SLC4A1AP: variants seen among roughly 807,000 people sequenced by gnomAD.
SLC4A1AP encodes solute carrier family 4 member 1 adaptor protein, also known as kanadaptin.
A neutral mutation model predicts 89.7 loss-of-function variants in SLC4A1AP; 64 were observed. The observed-to-expected ratio is 0.71, with a 90% CI of 0.58 to 0.88. The LOEUF (loss-of-function observed/expected upper bound fraction) is 0.88, where lower values mean the gene tolerates loss of function less well. SLC4A1AP is among the 40% of genes least tolerant of loss of function. The pLI is 0.00. For missense variants in SLC4A1AP, 931 were observed against 965.0 expected, an observed-to-expected ratio of 0.96 and a Z score of 0.47; for synonymous variants, 366 against 353.3, an observed-to-expected ratio of 1.04 and a Z score of -0.40.
At chr2:27,684,052 G>A (rs577892795) in intron 9 of SLC4A1AP, among the ~76,000 whole-genome samples, 2 of 152,126 alleles carry the variant, frequency 1.3e-5, no homozygotes, top group African/African-American at 2.4e-5. Context: ...AATCTGTTGC[G>A]GTGGGGACTT....
chr2:27,670,922 CT>C (rs34481114), intron 5 of SLC4A1AP, among the ~76,000 whole-genome samples: 3,137 of 111,828 alleles, frequency 0.028, 50 homozygotes, highest in African/African-American at 0.1. Flanking sequence ...CTTTTCTTTT[CT>C]TTTTTTTTTT....
At chr2:27,665,267 T>C in exon 2 of SLC4A1AP, 1 of 1,611,324 alleles carries the variant, frequency 6.2e-7, no homozygotes, top group South Asian at 1.1e-5. Flanking sequence ...GTAGCCAAGA[T>C]GATGAGATGG....
At chr2:27,667,390 G>C (rs770477473) in exon 3 of SLC4A1AP, 2 of 1,611,826 alleles carry the variant, frequency 1.2e-6, no homozygotes, top group South Asian at 2.2e-5. Context: ...TGACCGAGAA[G>C]GTATGTAAAC....
intron 8 of SLC4A1AP, 27 bp from the exon 9 acceptor site, chr2:27,682,221 A>T (rs759280264): frequency 1.1e-5 from 16 of 1,466,366 alleles, no homozygotes; most frequent in East Asian, 2.3e-5. Context: ...CCTGGAATAG[A>T]TGTGTATAAT....
intron 8 of SLC4A1AP, among the ~76,000 whole-genome samples, chr2:27,680,079 C>CA (rs1365935537): frequency 6.6e-6 from 1 of 152,076 alleles, no homozygotes; most frequent in Non-Finnish European, 1.5e-5. Flanking sequence ...GAGGGGCTCA[C>CA]AGCAATTCTG....
intron 11 of SLC4A1AP, 105 bp downstream of exon 11, chr2:27,688,125 CTT>C: frequency 1.2e-6 from 1 of 857,092 alleles, no homozygotes; most frequent in Non-Finnish European, 1.9e-6. Context: ...GAGAATGGTC[CTT>C]TAGTTATGTT....
chr2:27,666,869 ATATTT>A (rs1558505020), intron 2 of SLC4A1AP, among the ~76,000 whole-genome samples: 1 of 71,888 alleles, frequency 1.4e-5, no homozygotes. Context: ...ATATATATAT[ATATTT>A]TTTTTTTTTT....
At position 27,677,811 on chromosome 2, in the gene SLC4A1AP, TG is replaced by T; in HGVS notation, c.1652del (p.Gly551ValfsTer9). On this transcript the variant is annotated frameshift_variant, in exon 8 of 14. Transcript: ENST00000613058. LOFTEE classifies it high-confidence loss of function. ...AAATGAAATCAGGCAGTACATTAGATGGTGTGTCCCGGAAGAAACTTCACCT... is the reference window on the plus strand; with the variant it reads ...AAATGAAATCAGGCAGTACATTAGATGTGTGTCCCGGAAGAAACTTCACCT... The T allele has an allele frequency of 6.2e-7, 1 of 1,613,878 alleles. No individual in the cohort carries two copies. The highest frequency in any genetic ancestry group is 8.5e-7 in the Non-Finnish European group (1 of 1,179,852).
chr2:27,690,946 T>C (rs1675778188), intron 12 of SLC4A1AP, among the ~76,000 whole-genome samples: 1 of 152,166 alleles, frequency 6.6e-6, no homozygotes, highest in South Asian at 2.1e-4. Context: ...TACTAGTCTT[T>C]CATTGAGGAT....
chr2:27,673,082 C>T (rs1197224775), intron 5 of SLC4A1AP, among the ~76,000 whole-genome samples: 1 of 152,128 alleles, frequency 6.6e-6, no homozygotes. Flanking sequence ...GATGAGTAGG[C>T]AGGGAGGAAG....
At chr2:27,685,846 A>G (rs1675697525) in intron 10 of SLC4A1AP, among the ~76,000 whole-genome samples, 1 of 152,204 alleles carries the variant, frequency 6.6e-6, no homozygotes, top group African/African-American at 2.4e-5. Flanking sequence ...ATATAGATAT[A>G]TGCATCAATT....
intron 12 of SLC4A1AP, chr2:27,692,616 T>C (rs1338833900): frequency 6.6e-6 from 1 of 152,212 alleles, no homozygotes; most frequent in Non-Finnish European, 1.5e-5. Flanking sequence ...TGTGTTGCTG[T>C]CTTTCTCTTT....
chr2:27,682,521 A>AT (rs1558508946), intron 9 of SLC4A1AP, among the ~76,000 whole-genome samples, 162 bp downstream of exon 9: 1 of 139,110 alleles, frequency 7.2e-6, no homozygotes. Flanking sequence ...TGGTTCTTGG[A>AT]TTCTTTTTTT....
At chr2:27,682,248 G>A in exon 9 of SLC4A1AP, 2 of 1,602,748 alleles carry the variant, frequency 1.2e-6, no homozygotes, top group South Asian at 2.2e-5. Flanking sequence ...TTCTTCCTAG[G>A]ACTGAAACTC....
intron 5 of SLC4A1AP, among the ~76,000 whole-genome samples, chr2:27,670,715 G>A (rs570196831): frequency 6.6e-6 from 1 of 151,614 alleles, no homozygotes; most frequent in African/African-American, 2.4e-5. Flanking sequence ...AAAAAAATCA[G>A]TTGGGTGTGG....
intron 12 of SLC4A1AP, chr2:27,692,992 A>G (rs1675812180): frequency 6.6e-6 from 1 of 152,134 alleles, no homozygotes; most frequent in Non-Finnish European, 1.5e-5. Flanking sequence ...GCTGGAGTGC[A>G]GTGGTGTGAT....
At chr2:27,668,719 G>C in intron 3 of SLC4A1AP, 124 bp from the exon 4 acceptor site, 1 of 894,456 alleles carries the variant, frequency 1.1e-6, no homozygotes, top group Non-Finnish European at 1.8e-6. Context: ...CAAAGTGTTA[G>C]GATTACAGGC....
rs752876445 is a variant in SLC4A1AP, at chr2:27,693,769, CT to C, written c.2341+23del. On this transcript the variant is annotated intron_variant, in intron 13 of 13. Transcript: ENST00000613058. ...CCCACCTGAAGGTAGATTGTTTTTA[CT>C]TTTTTTTCCTCTAAGGTTCATTTAT... 58 of 1,587,936 alleles carry C rather than the reference CT, an allele frequency of 3.7e-5. No homozygotes were observed. Among genetic ancestry groups the C allele is most frequent in the South Asian group, 6.8e-5 (6 of 88,178 alleles).
chr2:27,688,726 A>G, exon 12 of SLC4A1AP: 1 of 1,604,990 alleles, frequency 6.2e-7, no homozygotes, highest in Non-Finnish European at 8.5e-7. Flanking sequence ...TGAGAAAAGC[A>G]GAGGTGAATT....
Sources: allele counts gnomAD v4.1 joint callset (sites outside exome capture counted in the v4.1 genomes callset), GRCh38; gene constraint gnomAD v4.1.1; transcripts MANE v1.5; gene names NCBI Gene and HGNC (gene_info 2026-07-23, HGNC 2026-07-21).